The following LDB2 variants were observed in gnomAD, a reference collection of about 807,000 sequenced individuals.
LDB2 encodes the protein LIM domain-binding protein 2.
In LDB2, 12 loss-of-function variants were observed where a neutral mutation model predicts 44.3. The ratio of observed to expected loss-of-function variants is 0.27; its 90% confidence interval spans 0.17 to 0.44. The LOEUF (loss-of-function observed/expected upper bound fraction) is 0.44. LDB2 is among the 20% of genes least tolerant of loss of function. LDB2 has a pLI of 1.00. For missense variants in LDB2, 344 were observed against 473.5 expected (o/e 0.73, Z 2.54); for synonymous variants, 164 against 174.8 (o/e 0.94, Z 0.49).
chr4:16,865,809 C>T (rs1417064283), intron 1 of LDB2, among the ~76,000 whole-genome samples: 1 of 152,192 alleles, frequency 6.6e-6, no homozygotes, highest in African/African-American at 2.4e-5. Flanking sequence ...TTCACCTTTC[C>T]AGCCACACTG....
At chr4:16,809,729 A>AAAAC (rs56386816) in intron 1 of LDB2, among the ~76,000 whole-genome samples, 130,863 of 148,274 alleles carry the variant, frequency 0.88, 57,695 homozygotes, top group Middle Eastern at 0.98. Context: ...AAAACAAAAC[A>AAAAC]AAACAAACAA....
At chr4:16,766,467 T>C (rs1316316594) in intron 1 of LDB2, among the ~76,000 whole-genome samples, 15 of 75,558 alleles carry the variant, frequency 2.0e-4, no homozygotes, top group Non-Finnish European at 1.1e-4. Context: ...CACACACATA[T>C]ATGTGTGTGT....
At chr4:16,665,041 C>T (rs951088428) in intron 2 of LDB2, among the ~76,000 whole-genome samples, 2 of 152,188 alleles carry the variant, frequency 1.3e-5, no homozygotes, top group African/African-American at 4.8e-5. Flanking sequence ...ACTACCCCAT[C>T]ATTTGCACCT....
At chr4:16,662,647 T>C (rs6854505) in intron 2 of LDB2, among the ~76,000 whole-genome samples, 3 of 152,028 alleles carry the variant, frequency 2.0e-5, no homozygotes, top group Non-Finnish European at 4.4e-5. Context: ...TTTTTTTTTT[T>C]GGGTGTGTGC....
At chr4:16,886,384 A>G (rs1721699999) in intron 1 of LDB2, among the ~76,000 whole-genome samples, 2 of 152,234 alleles carry the variant, frequency 1.3e-5, no homozygotes, top group Non-Finnish European at 2.9e-5. Flanking sequence ...AGGACACGGT[A>G]AAATACTCAT....
intron 2 of LDB2, among the ~76,000 whole-genome samples, chr4:16,752,076 C>T (rs879428211): frequency 2.2e-4 from 33 of 152,272 alleles, no homozygotes; most frequent in African/African-American, 6.7e-4. Context: ...TCTGAGACAA[C>T]GACATTTATG....
At chr4:16,762,935 G>A (rs1768254609) in intron 1 of LDB2, among the ~76,000 whole-genome samples, 1 of 152,106 alleles carries the variant, frequency 6.6e-6, no homozygotes, top group Non-Finnish European at 1.5e-5. Flanking sequence ...AGTTTTGGCA[G>A]AAGTTGAAAG....
intron 1 of LDB2, among the ~76,000 whole-genome samples, chr4:16,860,750 G>T (rs537364428): frequency 6.6e-6 from 1 of 152,206 alleles, no homozygotes; most frequent in South Asian, 2.1e-4. Flanking sequence ...CTATAATGCT[G>T]AAGCAATATT....
chr4:16,861,424 C>T (rs145174770), intron 1 of LDB2, among the ~76,000 whole-genome samples: 1 of 152,212 alleles, frequency 6.6e-6, no homozygotes, highest in East Asian at 1.9e-4. Flanking sequence ...GTTGTGACAG[C>T]CAAAAATGTC....
chr4:16,893,311 G>A (rs938311648), intron 1 of LDB2, among the ~76,000 whole-genome samples: 3 of 150,748 alleles, frequency 2.0e-5, no homozygotes, highest in Non-Finnish European at 4.4e-5. Context: ...AAATTTCTAG[G>A]GGGGAGAAAC....
At chr4:16,527,426 A>C (rs1728626108) in intron 5 of LDB2, among the ~76,000 whole-genome samples, 1 of 152,212 alleles carries the variant, frequency 6.6e-6, no homozygotes, top group Admixed American at 6.5e-5. Context: ...AATAAAAAAA[A>C]AATAGATGTT....
Position 16,739,591 on chromosome 4 carries a change from T to A in LDB2, c.235+19567A>T, listed in dbSNP as rs529369618. 5.6e-3 allele frequency among the ~76,000 whole-genome samples: 423 copies of A among 75,300 alleles called. 91 individuals are homozygous for A. Among genetic ancestry groups the A allele is most frequent in the East Asian group, 0.012 (16 of 1,358 alleles). 49.4% of individuals were successfully genotyped at this position (75,300 alleles called of 152,430 possible). On this transcript the variant is annotated intron_variant, in intron 2 of 7. Coordinates refer to ENST00000304523, the MANE Select transcript of LDB2 (RefSeq NM_001290.5). ...ACAGAGGGAAAAAAAAAAAAAAAAA[T>A]ATATATATATATATATATGTATATA...
rs12643195 is a variant in LDB2 at position 16,578,072 on chromosome 4, A to T, written c.615+7850T>A. Among the ~76,000 whole-genome samples, 59 of 152,304 alleles carry T rather than the reference A, an allele frequency of 3.9e-4. No homozygotes were observed. The East Asian group carries it at 6.6e-3, about 17-fold the overall frequency. On this transcript the variant is annotated intron_variant, in intron 5 of 7. Transcript: ENST00000304523. ...ATATACAAAAATCAAATAAAAATGG[A>T]TTATAAAATTAAATTTAAGCTCTCA...
Position 16,549,691 on chromosome 4 carries a change from A to G in LDB2, c.615+36231T>C, listed in dbSNP as rs537073934. On this transcript the variant is annotated intron_variant, in intron 5 of 7. Transcript: ENST00000304523. ...TGTTACCCAGATTAAAAACCCAAGT[A>G]CTCTCAGTGTATACTATCTGCCCCT... 2.0e-5 allele frequency among the ~76,000 whole-genome samples: 3 copies of G among 152,012 alleles called. No individual in the cohort carries two copies. In the South Asian group the frequency reaches 6.2e-4, roughly 32 times the overall value.
chr4:16,885,227 A>G (rs1394805555), intron 1 of LDB2, among the ~76,000 whole-genome samples: 1 of 151,284 alleles, frequency 6.6e-6, no homozygotes, highest in Non-Finnish European at 1.5e-5. Flanking sequence ...TCCCAGCTAC[A>G]CAGGAAGCTA....
chr4:16,873,084 A>T (rs1717199769), intron 1 of LDB2, among the ~76,000 whole-genome samples: 1 of 152,148 alleles, frequency 6.6e-6, no homozygotes, highest in African/African-American at 2.4e-5. Flanking sequence ...AGAATGGTGT[A>T]TCGGGCATTT....
rs148316349 is a variant in LDB2, at chr4:16,568,561, TC to T, written c.615+17360del. Among the ~76,000 whole-genome samples, 483 of 152,276 alleles carry T rather than the reference TC, an allele frequency of 3.2e-3. 4 individuals are homozygous for T. Among genetic ancestry groups the T allele is most frequent in the African/African-American group, 0.011 (446 of 41,544 alleles). ...ACCCATTTTACAGAAGAGTAACTGTTCCTGTTCTTAATTGCAAGCCAGAGTT... is the reference window on the plus strand; with the variant it reads ...ACCCATTTTACAGAAGAGTAACTGTTCTGTTCTTAATTGCAAGCCAGAGTT... On this transcript the variant is annotated intron_variant, in intron 5 of 7. Transcript: ENST00000304523.
At chr4:16,555,621 G>A (rs1032959607) in intron 5 of LDB2, among the ~76,000 whole-genome samples, 9 of 152,062 alleles carry the variant, frequency 5.9e-5, no homozygotes, top group African/African-American at 1.2e-4. Flanking sequence ...TCTTGAATGC[G>A]AAACTTCTAT....
intron 1 of LDB2, among the ~76,000 whole-genome samples, chr4:16,813,894 A>AC (rs1416687770): frequency 6.8e-6 from 1 of 146,028 alleles, no homozygotes; most frequent in Non-Finnish European, 1.5e-5. Flanking sequence ...TTTTTTTGAG[A>AC]GGAGTCTGGC....
Sources: gnomAD v4.1 joint callset for allele counts (sites outside exome capture counted in the v4.1 genomes callset) on GRCh38, gnomAD v4.1.1 for gene constraint, MANE v1.5 for transcripts, NCBI Gene and HGNC (gene_info 2026-07-23, HGNC 2026-07-21) for gene names.